SCHIP1: variants seen among roughly 807,000 people sequenced by gnomAD.
SCHIP1 encodes schwannomin interacting protein 1, also known as schwannomin-interacting protein 1.
In SCHIP1, 8 loss-of-function variants were observed where a neutral mutation model predicts 29.7. The observed-to-expected ratio is 0.27, with a 90% confidence interval of 0.16 to 0.49. The LOEUF (loss-of-function observed/expected upper bound fraction) is 0.49. Ranked by LOEUF, SCHIP1 falls within the 20% of genes least tolerant of loss-of-function variation. SCHIP1 has a pLI of 0.99. For missense variants in SCHIP1, 193 were observed against 294.6 expected, an observed-to-expected ratio of 0.66 and a Z score of 2.52; for synonymous variants, 76 against 94.9, an observed-to-expected ratio of 0.80 and a Z score of 1.16.
the SCHIP1 span, among the ~76,000 whole-genome samples, chr3:159,511,638 G>A: frequency 6.6e-6 from 1 of 152,024 alleles, no homozygotes; most frequent in Non-Finnish European, 1.5e-5. Flanking sequence ...AATTTTAACA[G>A]CGTGGTTTCA....
At chr3:159,363,447 C>T in the SCHIP1 span, among the ~76,000 whole-genome samples, 1 of 152,026 alleles carries the variant, frequency 6.6e-6, no homozygotes. Context: ...AGTAATGAGC[C>T]CAAAGGATGA....
chr3:159,712,459 G>A, the SCHIP1 span, among the ~76,000 whole-genome samples: 6 of 152,136 alleles, frequency 3.9e-5, no homozygotes, highest in African/African-American at 9.7e-5. Context: ...GCTCATGCCT[G>A]TAATCCCAAC....
chr3:159,556,856 A>G, the SCHIP1 span, among the ~76,000 whole-genome samples: 1 of 151,778 alleles, frequency 6.6e-6, no homozygotes, highest in Non-Finnish European at 1.5e-5. Flanking sequence ...AGCATGGCAC[A>G]TGTATACATA....
chr3:159,399,079 A>G, the SCHIP1 span: 3 of 280,148 alleles, frequency 1.1e-5, no homozygotes, highest in Non-Finnish European at 1.6e-5. Context: ...TGAGTCTCCA[A>G]AACACCAGGC....
the SCHIP1 span, among the ~76,000 whole-genome samples, chr3:159,318,878 T>TGGTG: frequency 2.7e-3 from 418 of 152,232 alleles, no homozygotes; most frequent in Non-Finnish European, 4.4e-3. Flanking sequence ...TGATGACCCA[T>TGGTG]AGTCAAACAT....
the SCHIP1 span, among the ~76,000 whole-genome samples, chr3:159,787,350 A>G: frequency 6.6e-6 from 1 of 152,160 alleles, no homozygotes; most frequent in African/African-American, 2.4e-5. Context: ...GGCTTTTTCC[A>G]TCACACTTTA....
At chr3:159,721,749 C>T in the SCHIP1 span, 16 of 442,768 alleles carry the variant, frequency 3.6e-5, no homozygotes, top group African/African-American at 6.2e-5. Context: ...GCACGAAGGA[C>T]GTCTCACTGT....
At chr3:159,554,316 A>G in the SCHIP1 span, among the ~76,000 whole-genome samples, 1 of 152,226 alleles carries the variant, frequency 6.6e-6, no homozygotes, top group African/African-American at 2.4e-5. Flanking sequence ...TAATATATGT[A>G]TGCATGGAAG....
chr3:159,626,602 CCAAA>C, the SCHIP1 span, among the ~76,000 whole-genome samples: 49 of 152,200 alleles, frequency 3.2e-4, no homozygotes, highest in African/African-American at 9.4e-4. Flanking sequence ...AATTTATCCA[CCAAA>C]CAAAGCTTAG....
chr3:159,589,053 G>A, the SCHIP1 span, among the ~76,000 whole-genome samples: 1 of 152,140 alleles, frequency 6.6e-6, no homozygotes, highest in African/African-American at 2.4e-5. Context: ...ATTACCTTGG[G>A]CAGTATGGCC....
the SCHIP1 span, among the ~76,000 whole-genome samples, chr3:159,549,065 G>A: frequency 1.3e-5 from 2 of 152,252 alleles, no homozygotes; most frequent in East Asian, 3.9e-4. Context: ...TAGTTGAACT[G>A]AAATTGCAAA....
the SCHIP1 span, among the ~76,000 whole-genome samples, chr3:159,660,057 C>T: frequency 6.6e-6 from 1 of 152,134 alleles, no homozygotes; most frequent in Non-Finnish European, 1.5e-5. Context: ...CTGGCAGCTG[C>T]TGAGGAGAGT....
the SCHIP1 span, among the ~76,000 whole-genome samples, chr3:159,328,164 A>G: frequency 6.6e-6 from 1 of 152,188 alleles, no homozygotes; most frequent in African/African-American, 2.4e-5. Flanking sequence ...TCAATTCCTC[A>G]GTTGCTCTAT....
the SCHIP1 span, among the ~76,000 whole-genome samples, chr3:159,757,243 G>A: frequency 1.3e-5 from 2 of 152,228 alleles, no homozygotes; most frequent in African/African-American, 4.8e-5. Flanking sequence ...TATGGCTGGG[G>A]AGGCCTCACA....
At chr3:159,672,070 T>C in the SCHIP1 span, among the ~76,000 whole-genome samples, 1 of 152,234 alleles carries the variant, frequency 6.6e-6, no homozygotes, top group East Asian at 1.9e-4. Flanking sequence ...GTCACTAAAA[T>C]CTGATATCTC....
At chr3:159,478,365 C>A in the SCHIP1 span, among the ~76,000 whole-genome samples, 2 of 152,140 alleles carry the variant, frequency 1.3e-5, no homozygotes, top group Non-Finnish European at 1.5e-5. Flanking sequence ...GTTCTTGGCA[C>A]CTTTGTCAAA....
chr3:159,637,474 C>G, the SCHIP1 span, among the ~76,000 whole-genome samples: 1 of 151,736 alleles, frequency 6.6e-6, no homozygotes, highest in Admixed American at 6.6e-5. Context: ...AAGAGAAAGT[C>G]TCTTAAGCAA....
At chr3:159,502,574 T>C in the SCHIP1 span, among the ~76,000 whole-genome samples, 1 of 152,144 alleles carries the variant, frequency 6.6e-6, no homozygotes, top group African/African-American at 2.4e-5. Context: ...ACATGTGCCA[T>C]GTTGGTGTGC....
chr3:159,887,854 G>A, exon 4 of SCHIP1: 1 of 1,613,998 alleles, frequency 6.2e-7, no homozygotes, highest in Non-Finnish European at 8.5e-7. Context: ...TGGCCAAAAT[G>A]CAAGTAGAAG....
Sources: allele counts gnomAD v4.1 joint callset (sites outside exome capture counted in the v4.1 genomes callset), GRCh38; gene constraint gnomAD v4.1.1; transcripts MANE v1.5; gene names NCBI Gene and HGNC (gene_info 2026-07-23, HGNC 2026-07-21).